Variants in ADGRB3 observed in about 807,000 individuals in gnomAD.
The protein encoded by ADGRB3 is brain-specific angiogenesis inhibitor 3.
A neutral mutation model predicts 193.4 loss-of-function variants in ADGRB3; 37 were observed. The observed-to-expected ratio is 0.19, with a 90% CI of 0.15 to 0.25. ADGRB3 has a LOEUF of 0.25. ADGRB3 is among the 10% of genes least tolerant of loss of function. ADGRB3 has a pLI of 1.00. For missense variants in ADGRB3, 1,637 were observed against 1,852.9 expected (o/e 0.88, Z 2.14); for synonymous variants, 690 against 644.2 (o/e 1.07, Z -1.08).
At chr6:69,291,767 A>G (rs775533705) in intron 20 of ADGRB3, among the ~76,000 whole-genome samples, 2 of 152,162 alleles carry the variant, frequency 1.3e-5, no homozygotes, top group Non-Finnish European at 2.9e-5. Context: ...ACATTGGCAT[A>G]TTAACTATTT....
intron 3 of ADGRB3, among the ~76,000 whole-genome samples, chr6:68,817,143 C>A (rs545762458): frequency 6.6e-6 from 1 of 151,482 alleles, no homozygotes; most frequent in Admixed American, 6.6e-5. Flanking sequence ...GCACCCTATG[C>A]CTGGCCATTG....
chr6:69,039,464 G>A (rs1031846908), intron 13 of ADGRB3, among the ~76,000 whole-genome samples: 1 of 152,068 alleles, frequency 6.6e-6, no homozygotes, highest in African/African-American at 2.4e-5. Flanking sequence ...AGCTTTTTCT[G>A]TAAAGGGATA....
chr6:69,271,828 A>G (rs1442597833), intron 20 of ADGRB3, among the ~76,000 whole-genome samples: 1 of 152,072 alleles, frequency 6.6e-6, no homozygotes, highest in Non-Finnish European at 1.5e-5. Context: ...TTTTAGCCTT[A>G]TTGTTTGTTT....
chr6:69,328,921 G>A (rs1189389394), intron 22 of ADGRB3, among the ~76,000 whole-genome samples: 1 of 152,030 alleles, frequency 6.6e-6, no homozygotes, highest in Non-Finnish European at 1.5e-5. Context: ...AATAAGTAAG[G>A]TTATATATGT....
Position 68,759,827 on chromosome 6 carries a change from T to C in ADGRB3, c.757+120395T>C, listed in dbSNP as rs113492810. ...TTGAGAGGTAAAAAAATGAAAACTA[T>C]AGATGAAGAAAATGGATGTTAATAG... On this transcript the variant is annotated intron_variant, in intron 3 of 31. Coordinates refer to ENST00000370598, the MANE Select transcript of ADGRB3 (RefSeq NM_001704.3). 2.5e-3 allele frequency among the ~76,000 whole-genome samples: 375 copies of C among 152,154 alleles called. 6 individuals are homozygous for C. The highest frequency in any genetic ancestry group is 6.2e-3 in the African/African-American group (258 of 41,548).
intron 3 of ADGRB3, among the ~76,000 whole-genome samples, chr6:68,897,240 A>G (rs1382218654): frequency 6.6e-6 from 1 of 151,838 alleles, no homozygotes; most frequent in Non-Finnish European, 1.5e-5. Context: ...TAGGCCTGCA[A>G]TGCCAGCATT....
intron 20 of ADGRB3, among the ~76,000 whole-genome samples, chr6:69,318,633 T>C (rs1005765292): frequency 5.3e-5 from 8 of 151,500 alleles, no homozygotes; most frequent in African/African-American, 1.9e-4. Flanking sequence ...TGAATTTGGA[T>C]GTTGCTTACA....
chr6:69,174,213 A>G (rs1378817450), intron 17 of ADGRB3, among the ~76,000 whole-genome samples: 1 of 152,158 alleles, frequency 6.6e-6, no homozygotes, highest in African/African-American at 2.4e-5. Flanking sequence ...GGTACTAAGC[A>G]TAGTACTCAA....
chr6:69,071,008 CCT>C (rs1303346907), intron 16 of ADGRB3, among the ~76,000 whole-genome samples: 1 of 151,738 alleles, frequency 6.6e-6, no homozygotes. Flanking sequence ...CCTAGTCGTA[CCT>C]CTCTCTCTCT....
intron 20 of ADGRB3, among the ~76,000 whole-genome samples, chr6:69,318,269 A>G (rs1768361984): frequency 6.6e-6 from 1 of 151,486 alleles, no homozygotes; most frequent in Non-Finnish European, 1.5e-5. Context: ...TAATTTCCAA[A>G]TAACATTTTT....
rs573441734 is a variant in ADGRB3, at chr6:68,639,026, T to C, written c.351T>C (p.Ala117=). The change falls in exon 3 of 32, where the codon GCT becomes GCC. Residue 117 remains alanine (A), a synonymous_variant. Transcript: ENST00000370598. ...TGCAACTCTGCAATTCCAAGAATGC[T>C]TTCGTTTTTCTACAGTATGATAAAA... The part of the protein sequence containing the change: ...SIMQLCNSKN[A]FVFLQYDKNF... 1 of 1,613,412 alleles carries C rather than the reference T, an allele frequency of 6.2e-7. No homozygotes were observed. Among genetic ancestry groups the C allele is most frequent in the Admixed American group, 1.7e-5 (1 of 59,824 alleles).
intron 24 of ADGRB3, among the ~76,000 whole-genome samples, chr6:69,337,303 T>G (rs142426485): frequency 1.0e-3 from 152 of 152,286 alleles, no homozygotes; most frequent in African/African-American, 3.4e-3. Flanking sequence ...ATCCATGCCT[T>G]TTTCATATTA....
intron 10 of ADGRB3, among the ~76,000 whole-genome samples, chr6:68,976,076 G>A (rs574312301): frequency 1.3e-5 from 2 of 152,192 alleles, no homozygotes; most frequent in East Asian, 3.9e-4. Flanking sequence ...TGAGCCAACT[G>A]GGAAGTTTAA....
chr6:68,676,407 A>AAG (rs1554169274), intron 3 of ADGRB3, among the ~76,000 whole-genome samples: 16 of 148,338 alleles, frequency 1.1e-4, no homozygotes, highest in Admixed American at 3.4e-4. Flanking sequence ...AAAAAAAAAA[A>AAG]AAAAGAAAAG....
chr6:69,014,200 G>T, intron 12 of ADGRB3, 94 bp downstream of exon 12: 1 of 927,086 alleles, frequency 1.1e-6, no homozygotes, highest in Admixed American at 2.6e-5. Context: ...AGGAAAACAA[G>T]ATATTTTTAA....
At chr6:69,129,237 A>T (rs1773937180) in intron 17 of ADGRB3, among the ~76,000 whole-genome samples, 1 of 152,166 alleles carries the variant, frequency 6.6e-6, no homozygotes, top group Non-Finnish European at 1.5e-5. Context: ...CAAAAACTTC[A>T]GCTACTCACT....
At chr6:69,284,277 G>A (rs372728144) in intron 20 of ADGRB3, among the ~76,000 whole-genome samples, 8 of 152,030 alleles carry the variant, frequency 5.3e-5, no homozygotes, top group Admixed American at 2.0e-4. Context: ...ACCTTGATGC[G>A]TACACTTTGC....
At chr6:68,926,217 AT>A (rs1441767349) in intron 3 of ADGRB3, among the ~76,000 whole-genome samples, 1 of 152,180 alleles carries the variant, frequency 6.6e-6, no homozygotes, top group Non-Finnish European at 1.5e-5. Flanking sequence ...TGATTTTAAA[AT>A]TCATAAGTAA....
chr6:69,310,101 C>T (rs1768153768), intron 20 of ADGRB3, among the ~76,000 whole-genome samples: 1 of 151,668 alleles, frequency 6.6e-6, no homozygotes, highest in Non-Finnish European at 1.5e-5. Context: ...TTTAAACTCA[C>T]GACATAAGAA....
Sources: allele counts gnomAD v4.1 joint callset (sites outside exome capture counted in the v4.1 genomes callset), GRCh38; gene constraint gnomAD v4.1.1; transcripts MANE v1.5; gene names NCBI Gene and HGNC (gene_info 2026-07-23, HGNC 2026-07-21).